The following ARHGAP6 variants were observed in gnomAD, a reference collection of about 807,000 sequenced individuals.
The protein encoded by ARHGAP6 is rho GTPase-activating protein 6.
Under a neutral mutation model 55.7 loss-of-function variants are expected in ARHGAP6, and 16 were observed. The observed-to-expected ratio is 0.29, with a 90% CI of 0.19 to 0.44. The LOEUF is 0.44. Ranked by LOEUF, ARHGAP6 falls within the 20% of genes least tolerant of loss-of-function variation. The pLI, the probability that ARHGAP6 is intolerant of heterozygous loss-of-function variation, is 1.00. For synonymous variants in ARHGAP6, 382 were observed against 360.9 expected (o/e 1.06, Z -0.66); for missense variants, 698 against 808.9 (o/e 0.86, Z 1.66).
At chrX:11,391,428 C>G (rs1416879790) in intron 1 of ARHGAP6, among the ~76,000 whole-genome samples, 2 of 108,968 alleles carry the variant, frequency 1.8e-5, no homozygotes, top group African/African-American at 6.7e-5. Flanking sequence ...CAAACCTGCA[C>G]GTTGTGCACA....
At chrX:11,452,158 A>AT (rs1347506276) in intron 1 of ARHGAP6, among the ~76,000 whole-genome samples, 10 of 111,842 alleles carry the variant, frequency 8.9e-5, no homozygotes, top group Middle Eastern at 4.6e-3. Context: ...TTTTTAATTT[A>AT]TTTTTTTGAG....
intron 10 of ARHGAP6, among the ~76,000 whole-genome samples, chrX:11,154,449 T>C (rs2045836380): frequency 8.9e-6 from 1 of 112,665 alleles, no homozygotes. Flanking sequence ...CCACAGCATT[T>C]ATATGCAAAG....
At chrX:11,179,844 G>A (rs1489846533) in intron 6 of ARHGAP6, among the ~76,000 whole-genome samples, 3 of 107,107 alleles carry the variant, frequency 2.8e-5, no homozygotes, top group Non-Finnish European at 3.8e-5. Flanking sequence ...AGAAGGGCTT[G>A]GTAATGACAA....
intron 1 of ARHGAP6, among the ~76,000 whole-genome samples, chrX:11,271,011 G>A (rs1452660465): frequency 2.7e-5 from 3 of 111,700 alleles, no homozygotes; most frequent in African/African-American, 9.8e-5. Flanking sequence ...TTATTTTGTA[G>A]CTGCTCCTTC....
chrX:11,358,534 C>T (rs763963783), intron 1 of ARHGAP6, among the ~76,000 whole-genome samples: 3 of 101,176 alleles, frequency 3.0e-5, no homozygotes, highest in East Asian at 3.1e-4. Flanking sequence ...GGCTGGAATG[C>T]GATGGCGTGA....
Position 11,144,083 on chromosome X carries a change from C to A in ARHGAP6, c.2073G>T (p.Gly691=). ...LLAMQEDAAP[G]GSEKLYRVPG... is the part of the protein sequence containing the mutation. Reference sequence around the variant, plus strand: ...GCACTCTGTAAAGCTTCTCCGAGCCCCCCGGGGCCGCGTCCTCTTGCATAG... The same window carrying A: ...GCACTCTGTAAAGCTTCTCCGAGCCACCCGGGGCCGCGTCCTCTTGCATAG... Residue 691 remains glycine (G), a synonymous_variant, in exon 11 of 13, where the codon GGG becomes GGT. Coordinates refer to ENST00000337414, the MANE Select transcript of ARHGAP6 (RefSeq NM_013427.3). 8.3e-7 allele frequency: 1 copy of A among 1,211,108 alleles called. No homozygotes were observed. The highest frequency in any genetic ancestry group is 1.7e-5 in the African/African-American group (1 of 57,752).
At chrX:11,615,562 G>T (rs1421323603) in intron 1 of ARHGAP6, among the ~76,000 whole-genome samples, 2 of 112,076 alleles carry the variant, frequency 1.8e-5, no homozygotes, top group African/African-American at 6.5e-5. Context: ...AAAAGACCCA[G>T]TTCTACTTAT....
At position 11,417,059 on chromosome X, in the gene ARHGAP6, C is replaced by CATATATATATAT. The variant is rs768174897; in HGVS notation, c.589-162364_589-162353dup. 1.7e-3 allele frequency among the ~76,000 whole-genome samples: 56 copies of CATATATATATAT among 33,350 alleles called. 2 individuals are homozygous for CATATATATATAT. The highest frequency in any genetic ancestry group is 1.9e-3 in the Non-Finnish European group (39 of 20,020). 29.0% of individuals were successfully genotyped at this position (33,350 alleles called of 115,157 possible). ...AGGATGTTCTTTATATGGGTGTGTA[C>CATATATATATAT]ATATATATATATATATATATATATA... is the stretch of plus-strand genomic sequence containing the variant. On this transcript the variant is annotated intron_variant, in intron 1 of 12. Coordinates refer to ENST00000337414, the MANE Select transcript of ARHGAP6 (RefSeq NM_013427.3).
chrX:11,168,143 A>T (rs973324302), intron 9 of ARHGAP6, among the ~76,000 whole-genome samples: 7 of 112,119 alleles, frequency 6.2e-5, no homozygotes, highest in Non-Finnish European at 1.3e-4. Context: ...AAACTCTAAA[A>T]AATGTCAGAG....
At chrX:11,157,453 A>G (rs999964568) in intron 9 of ARHGAP6, among the ~76,000 whole-genome samples, 1 of 111,997 alleles carries the variant, frequency 8.9e-6, no homozygotes, top group South Asian at 3.7e-4. Context: ...TGAGCATCAT[A>G]TATTTCTCTA....
chrX:11,493,399 C>T (rs1018635388), intron 1 of ARHGAP6, among the ~76,000 whole-genome samples: 1 of 111,974 alleles, frequency 8.9e-6, no homozygotes, highest in African/African-American at 3.2e-5. Context: ...GCTTAGCCAG[C>T]TGAATGCTCC....
intron 2 of ARHGAP6, among the ~76,000 whole-genome samples, chrX:11,238,701 C>T (rs1172267931): frequency 1.8e-5 from 2 of 111,696 alleles, no homozygotes; most frequent in South Asian, 7.6e-4. Flanking sequence ...TTGCACCCCT[C>T]CACTTTGTGA....
rs2045654206 is a variant in ARHGAP6 at position 11,143,990 on chromosome X, C to T, written c.2166G>A (p.Arg722=). The change falls in exon 11 of 13, where the codon AGG becomes AGA. Residue 722 remains arginine, a synonymous_variant. Transcript: ENST00000337414. ...CCAGGCTCCAGTTACCTTTCCCAAG[C>T]CTTGGTCCAGGAGAACTTTCCCTTG... ...SKSRESSPGP[R]LGKDLSEEPF... is the part of the protein sequence containing the mutation. 8.3e-7 allele frequency: 1 copy of T among 1,212,106 alleles called. No homozygotes were observed. Among genetic ancestry groups the T allele is most frequent in the Non-Finnish European group, 1.1e-6 (1 of 895,604 alleles).
intron 1 of ARHGAP6, among the ~76,000 whole-genome samples, chrX:11,532,212 A>G (rs771486416): frequency 1.7e-4 from 19 of 112,701 alleles, no homozygotes; most frequent in African/African-American, 6.1e-4. Flanking sequence ...TAATCACTTT[A>G]TACATACGTA....
At chrX:11,298,366 A>G in intron 1 of ARHGAP6, 1 of 1,102,514 alleles carries the variant, frequency 9.1e-7, no homozygotes, top group Non-Finnish European at 1.3e-6. Flanking sequence ...TCTACTCCAC[A>G]TGCAGACATT....
chrX:11,421,017 C>T (rs2049816995), intron 1 of ARHGAP6, among the ~76,000 whole-genome samples: 1 of 110,897 alleles, frequency 9.0e-6, no homozygotes, highest in East Asian at 2.8e-4. Flanking sequence ...TTAGGAAGGG[C>T]TTTGGCATTG....
At chrX:11,261,601 T>C (rs1196502382) in intron 1 of ARHGAP6, among the ~76,000 whole-genome samples, 4 of 112,204 alleles carry the variant, frequency 3.6e-5, no homozygotes, top group Non-Finnish European at 7.5e-5. Context: ...TTAGATTTTA[T>C]AAATGTAGAT....
intron 1 of ARHGAP6, among the ~76,000 whole-genome samples, chrX:11,434,603 T>C (rs376329277): frequency 2.6e-4 from 29 of 111,253 alleles, no homozygotes; most frequent in African/African-American, 9.2e-4. Flanking sequence ...TGATGACACC[T>C]GGCATTACTC....
In ARHGAP6 at chrX:11,222,970, A is replaced by G. The variant is rs553514472; in HGVS notation, c.749-25974T>C. On this transcript the variant is annotated intron_variant, in intron 2 of 12. Coordinates refer to ENST00000337414, the MANE Select transcript of ARHGAP6 (RefSeq NM_013427.3). ...TTATACCAATTGGAATTGGAAAACT[A>G]TTATTAATACCTGAAAGGTTTTACA... 7.1e-5 allele frequency among the ~76,000 whole-genome samples: 8 copies of G among 112,317 alleles called. No individual in the cohort carries two copies. In the South Asian group the frequency reaches 3.0e-3, roughly 41 times the overall value.
Sources: gnomAD v4.1 joint callset for allele counts (sites outside exome capture counted in the v4.1 genomes callset) on GRCh38, gnomAD v4.1.1 for gene constraint, MANE v1.5 for transcripts, NCBI Gene and HGNC (gene_info 2026-07-23, HGNC 2026-07-21) for gene names.